LTA4H: variants seen among roughly 807,000 people sequenced by gnomAD.
LTA4H encodes leukotriene A4 hydrolase.
A neutral mutation model predicts 89.8 loss-of-function variants in LTA4H; 59 were observed. That is an observed-to-expected ratio of 0.66 (90% confidence interval 0.53 to 0.82). The LOEUF is 0.82. Among genes scored for constraint, LTA4H ranks in the 40% least tolerant of loss-of-function variants. The probability of loss-of-function intolerance (pLI) is 0.00; values close to 1 mark genes in which losing one functional copy is unlikely to be tolerated. For synonymous variants in LTA4H, 227 were observed against 253.1 expected (o/e 0.90, Z 0.98); for missense variants, 617 against 727.0 (o/e 0.85, Z 1.74).
In LTA4H at chr12:96,012,989, T is replaced by C. The variant is rs559204999; in HGVS notation, c.1379+199A>G. ...CTTGTGCAGAAAGGAGGCACTCAAT[T>C]ACTTGAAGTGAAAAACCATATTTGT... is the stretch of plus-strand genomic sequence containing the variant. On this transcript the variant is annotated intron_variant, in intron 14 of 18. Coordinates refer to ENST00000228740, the MANE Select transcript of LTA4H (RefSeq NM_000895.3). 1.4e-4 allele frequency: 69 copies of C among 500,052 alleles called. No individual in the cohort carries two copies. In the East Asian group the frequency reaches 2.0e-3, roughly 15 times the overall value. The allele number at this position is 500,052 out of a possible 1,614,324, so 31.0% of individuals were successfully genotyped here.
chr12:96,022,089 A>G lies in LTA4H; in HGVS notation c.585+58T>C. 1 of 1,119,432 alleles carries G rather than the reference A, an allele frequency of 8.9e-7. No individual in the cohort carries two copies. The highest frequency in any genetic ancestry group is 1.4e-6 in the Non-Finnish European group (1 of 737,698). 69.3% of individuals were successfully genotyped at this position (1,119,432 alleles called of 1,614,324 possible). A position where few individuals can be genotyped will look rare whatever the true frequency, so the allele number is the denominator to read the frequency against. ...AAGTAATTTTGCCCTCTGGATGTGT[A>G]CAAGCTAACTGTAGTTTACCGCCAA... On this transcript the variant is annotated intron_variant, in intron 5 of 18. Transcript: ENST00000228740. This position sits in a 1 kb window ranked among gnomAD's most constrained non-coding sequence, Gnocchi z 4.0.
At chr12:96,001,467 C>T (rs1029991148) in intron 18 of LTA4H, among the ~76,000 whole-genome samples, 4 of 152,124 alleles carry the variant, frequency 2.6e-5, no homozygotes, top group African/African-American at 9.7e-5. Flanking sequence ...ATTTACCAAG[C>T]AGCATGGAAG....
At chr12:96,038,406 G>T (rs545517977), upstream of LTA4H, among the ~76,000 whole-genome samples, 1 of 152,162 alleles carries the variant, frequency 6.6e-6, no homozygotes, top group East Asian at 1.9e-4. Flanking sequence ...GGATTTTTTT[G>T]GCAAATGTCC....
At chr12:96,038,230 A>G (rs1374161639), upstream of LTA4H, among the ~76,000 whole-genome samples, 3 of 152,194 alleles carry the variant, frequency 2.0e-5, no homozygotes, top group Admixed American at 6.5e-5. Flanking sequence ...TCCAGCAACA[A>G]CAACAAAAAA....
At chr12:96,020,399 A>C (rs953139934) in intron 6 of LTA4H, among the ~76,000 whole-genome samples, 1 of 152,236 alleles carries the variant, frequency 6.6e-6, no homozygotes, top group African/African-American at 2.4e-5. Context: ...ATACTGTATG[A>C]TTCTACTTAT....
Position 96,015,728 on chromosome 12 carries a change from A to G in LTA4H, c.948-34T>C, listed in dbSNP as rs777683506. 3.9e-6 allele frequency: 5 copies of G among 1,267,376 alleles called. No individual in the cohort carries two copies. In the East Asian group the frequency reaches 1.2e-4, roughly 29 times the overall value. 78.5% of individuals were successfully genotyped at this position (1,267,376 alleles called of 1,614,324 possible). A position where few individuals can be genotyped will look rare whatever the true frequency, so the allele number is the denominator to read the frequency against. ...AAAATATTTTAATAAAAACACGGAC[A>G]CAGCTGAGAAGAAAAGACATTTCAA... On this transcript the variant is annotated intron_variant, in intron 10 of 18. Transcript: ENST00000228740.
chr12:96,036,487 C>T (rs1347275224), upstream of LTA4H, among the ~76,000 whole-genome samples: 4 of 152,174 alleles, frequency 2.6e-5, no homozygotes, highest in African/African-American at 7.2e-5. Flanking sequence ...ACTGATAAAG[C>T]ATGGTCAGAC....
At chr12:96,005,270 G>C (rs775098029) in intron 16 of LTA4H, among the ~76,000 whole-genome samples, 2 of 151,942 alleles carry the variant, frequency 1.3e-5, no homozygotes, top group Non-Finnish European at 2.9e-5. Context: ...TCTTTCTCAC[G>C]TCCTGTTCTC....
chr12:96,014,594 T>C (rs1950349164), intron 12 of LTA4H, among the ~76,000 whole-genome samples: 1 of 152,140 alleles, frequency 6.6e-6, no homozygotes, highest in Admixed American at 6.5e-5. Context: ...ATAGAAATGT[T>C]TTCAGGGAAT....
intron 6 of LTA4H, 146 bp downstream of exon 6, chr12:96,020,939 C>A (rs1950445188): frequency 3.2e-6 from 2 of 634,484 alleles, no homozygotes; most frequent in African/African-American, 1.9e-5. Flanking sequence ...AATTTGTTGC[C>A]TACATTTTAG....
At chr12:96,025,982 C>CT (rs1207842838) in intron 3 of LTA4H, among the ~76,000 whole-genome samples, 2 of 152,180 alleles carry the variant, frequency 1.3e-5, no homozygotes, top group Non-Finnish European at 2.9e-5. Context: ...TTCTCTGAAG[C>CT]TATTACAAAT....
chr12:96,027,359 C>A, intron 3 of LTA4H, 85 bp downstream of exon 3: 3 of 1,200,010 alleles, frequency 2.5e-6, no homozygotes, highest in Non-Finnish European at 2.3e-6. Flanking sequence ...CCTACATAAT[C>A]CATAAAACCA....
chr12:96,015,802 G>C (rs770001671), intron 10 of LTA4H, 108 bp from the exon 11 acceptor site: 3 of 730,980 alleles, frequency 4.1e-6, no homozygotes, highest in Admixed American at 2.3e-5. Flanking sequence ...CAGTTGTAAG[G>C]CATGACCACT....
At chr12:96,035,968 G>A (rs1424260999), upstream of LTA4H, among the ~76,000 whole-genome samples, 1 of 152,180 alleles carries the variant, frequency 6.6e-6, no homozygotes, top group Non-Finnish European at 1.5e-5. Context: ...AGCGAGGGCG[G>A]GGCGGAGCAA....
chr12:96,012,090 A>T (rs141926414), intron 14 of LTA4H: 41 of 152,380 alleles, frequency 2.7e-4, no homozygotes, highest in African/African-American at 9.4e-4. Context: ...AGGACTGCCC[A>T]GTTAGTGGGG....
chr12:96,041,842 C>T (rs1566022065), intron 1 of LTA4H, among the ~76,000 whole-genome samples: 2 of 152,020 alleles, frequency 1.3e-5, no homozygotes, highest in Non-Finnish European at 2.9e-5. Context: ...GGGGTTTCAC[C>T]GTGTTAGCCA....
At chr12:96,019,818 T>C (rs1281966477) in intron 6 of LTA4H, among the ~76,000 whole-genome samples, 2 of 151,484 alleles carry the variant, frequency 1.3e-5, no homozygotes, top group African/African-American at 4.8e-5. Context: ...GCCAGGATGG[T>C]CTCAATTCCC....
intron 8 of LTA4H, among the ~76,000 whole-genome samples, chr12:96,018,280 G>A (rs1167109353): frequency 1.3e-5 from 2 of 152,194 alleles, no homozygotes; most frequent in East Asian, 1.9e-4. Context: ...GCCTGGTGGG[G>A]TGGTTCATGC....
intron 14 of LTA4H, chr12:96,010,277 AAAAGT>A: frequency 6.6e-6 from 1 of 152,376 alleles, no homozygotes; most frequent in East Asian, 1.9e-4. Context: ...AAGTCTTCAG[AAAAGT>A]AAAGAGCAAA....
Sources: allele counts gnomAD v4.1 joint callset (sites outside exome capture counted in the v4.1 genomes callset), GRCh38; gene constraint gnomAD v4.1.1; non-coding constraint Gnocchi (gnomAD v3.1); transcripts MANE v1.5; gene names NCBI Gene and HGNC (gene_info 2026-07-23, HGNC 2026-07-21).